CDH4: variants seen among roughly 807,000 people sequenced by gnomAD.
CDH4 encodes the protein cadherin-4.
Under a neutral mutation model 86.0 loss-of-function variants are expected in CDH4, and 33 were observed. The observed-to-expected ratio is 0.38, with a 90% CI of 0.29 to 0.51. The LOEUF (loss-of-function observed/expected upper bound fraction) is 0.51. CDH4 is among the 20% of genes least tolerant of loss of function. CDH4 has a pLI of 0.86. For synonymous variants in CDH4, 555 were observed against 549.4 expected, an observed-to-expected ratio of 1.01 and a Z score of -0.14; for missense variants, 1,114 against 1,307.4, an observed-to-expected ratio of 0.85 and a Z score of 2.28.
At chr20:61,284,020 G>A (rs528638248) in intron 2 of CDH4, among the ~76,000 whole-genome samples, 33 of 152,184 alleles carry the variant, frequency 2.2e-4, no homozygotes, top group Admixed American at 2.0e-3. Flanking sequence ...AATCTGCTTA[G>A]CTTTGGCCGG....
chr20:61,346,177 C>T (rs989292849), intron 2 of CDH4, among the ~76,000 whole-genome samples: 1 of 152,126 alleles, frequency 6.6e-6, no homozygotes, highest in Non-Finnish European at 1.5e-5. Flanking sequence ...TCATTCCATT[C>T]TGTCAGGCCC....
chr20:61,328,564 G>T (rs536812929), intron 2 of CDH4, among the ~76,000 whole-genome samples: 4 of 152,294 alleles, frequency 2.6e-5, no homozygotes, highest in African/African-American at 9.6e-5. Context: ...CAAGAGGATT[G>T]CTTGAGCCCA....
intron 2 of CDH4, among the ~76,000 whole-genome samples, chr20:61,351,962 C>G (rs555750998): frequency 6.6e-6 from 1 of 152,074 alleles, no homozygotes; most frequent in Admixed American, 6.6e-5. Flanking sequence ...GGTGATCCAC[C>G]CACCTCGGCC....
Position 61,848,777 on chromosome 20 carries a change from G to A in CDH4, c.732+3954G>A, listed in dbSNP as rs144167833. On this transcript the variant is annotated intron_variant, in intron 5 of 15. Coordinates refer to ENST00000614565, the MANE Select transcript of CDH4 (RefSeq NM_001794.5). Reference sequence around the variant, plus strand: ...TCCTGAGCTCAAGCCATCTGCCTGCGTCAGCCTCCCAAAGTGCTGGGATTA... The same window carrying A: ...TCCTGAGCTCAAGCCATCTGCCTGCATCAGCCTCCCAAAGTGCTGGGATTA... Among the ~76,000 whole-genome samples, 193 of 152,182 alleles carry A rather than the reference G, an allele frequency of 1.3e-3. 1 individual carries two copies. Among genetic ancestry groups the A allele is most frequent in the African/African-American group, 4.4e-3 (183 of 41,518 alleles).
At chr20:61,600,561 A>G (rs1032643907) in intron 2 of CDH4, among the ~76,000 whole-genome samples, 2 of 152,198 alleles carry the variant, frequency 1.3e-5, no homozygotes, top group African/African-American at 4.8e-5. Context: ...CACCCTGCGC[A>G]GTGCCTCAGC....
intron 2 of CDH4, among the ~76,000 whole-genome samples, chr20:61,543,191 G>A (rs946188111): frequency 6.6e-6 from 1 of 152,190 alleles, no homozygotes; most frequent in Non-Finnish European, 1.5e-5. Context: ...TGACTCAAAT[G>A]TTAACCTTCT....
At chr20:61,259,396 C>T (rs1264796790) in intron 2 of CDH4, among the ~76,000 whole-genome samples, 2 of 152,200 alleles carry the variant, frequency 1.3e-5, no homozygotes. Context: ...CAGACACATG[C>T]TAGATACACA....
intron 2 of CDH4, among the ~76,000 whole-genome samples, chr20:61,621,300 A>G (rs764177081): frequency 1.3e-5 from 2 of 152,316 alleles, no homozygotes; most frequent in Middle Eastern, 3.4e-3. Flanking sequence ...TCTGTTTGAC[A>G]TTCTGTAACT....
chr20:61,904,044 C>T (rs1268225502), intron 8 of CDH4, among the ~76,000 whole-genome samples: 2 of 152,228 alleles, frequency 1.3e-5, no homozygotes, highest in Non-Finnish European at 2.9e-5. Flanking sequence ...TGAGTGGCCG[C>T]CCCTGGGACT....
intron 2 of CDH4, among the ~76,000 whole-genome samples, chr20:61,693,694 C>G (rs2087684998): frequency 6.6e-6 from 1 of 152,178 alleles, no homozygotes; most frequent in African/African-American, 2.4e-5. Flanking sequence ...AAGGCCTGGT[C>G]TCATCCACCT....
rs2084991235 is a variant in CDH4, at chr20:61,392,333, C to A, written c.169+137396C>A. Among the ~76,000 whole-genome samples, 1 of 152,142 alleles carries A rather than the reference C, an allele frequency of 6.6e-6. No individual in the cohort carries two copies. Among genetic ancestry groups the A allele is most frequent in the South Asian group, 2.1e-4 (1 of 4,814 alleles). ...CGCAGCCTCCCTGGAAGCAGAGGCT[C>A]CCCTGCGATTCCGCTCGGAGTCCCA... is the stretch of plus-strand genomic sequence containing the variant. On this transcript the variant is annotated intron_variant, in intron 2 of 15. Coordinates refer to ENST00000614565, the MANE Select transcript of CDH4 (RefSeq NM_001794.5). This position sits in a 1 kb window ranked among gnomAD's most constrained non-coding sequence, Gnocchi z 5.7.
At chr20:61,546,824 G>A (rs189913686) in intron 2 of CDH4, among the ~76,000 whole-genome samples, 13 of 152,230 alleles carry the variant, frequency 8.5e-5, no homozygotes, top group African/African-American at 3.1e-4. Context: ...CTGGCTGGGC[G>A]CCGACGCGGT....
At chr20:61,626,996 CA>C (rs2086835633) in intron 2 of CDH4, among the ~76,000 whole-genome samples, 1 of 152,090 alleles carries the variant, frequency 6.6e-6, no homozygotes. Flanking sequence ...CACACGGTGG[CA>C]AGAGGAGCCT....
At chr20:61,339,063 C>T (rs1403095424) in intron 2 of CDH4, among the ~76,000 whole-genome samples, 1 of 152,140 alleles carries the variant, frequency 6.6e-6, no homozygotes, top group Non-Finnish European at 1.5e-5. Flanking sequence ...CGCACACACC[C>T]CCCATATATT....
chr20:61,745,459 T>G (rs2088402640), intron 3 of CDH4, among the ~76,000 whole-genome samples: 1 of 152,148 alleles, frequency 6.6e-6, no homozygotes, highest in South Asian at 2.1e-4. Context: ...ATGGACAGTC[T>G]TCACTGCATG....
chr20:61,349,019 C>T (rs2084695070), intron 2 of CDH4, among the ~76,000 whole-genome samples: 1 of 152,214 alleles, frequency 6.6e-6, no homozygotes, highest in African/African-American at 2.4e-5. Flanking sequence ...CCACATTGTG[C>T]CGCAATTGTT....
chr20:61,302,577 T>C (rs913281598), intron 2 of CDH4, among the ~76,000 whole-genome samples: 3 of 152,108 alleles, frequency 2.0e-5, no homozygotes, highest in Admixed American at 2.0e-4. Context: ...ATCGGCATTG[T>C]TGTCCCCTCC....
At chr20:61,841,198 C>T (rs535796505) in intron 4 of CDH4, among the ~76,000 whole-genome samples, 1 of 152,218 alleles carries the variant, frequency 6.6e-6, no homozygotes, top group African/African-American at 2.4e-5. Context: ...TGCGTGCTCC[C>T]AGTGCCCTTC....
At chr20:61,448,626 GT>G (rs2085364764) in intron 2 of CDH4, among the ~76,000 whole-genome samples, 3 of 152,176 alleles carry the variant, frequency 2.0e-5, no homozygotes, top group African/African-American at 7.2e-5. Context: ...AGCAAGAGGA[GT>G]TTTTTGTATT....
Sources: allele counts gnomAD v4.1 joint callset (sites outside exome capture counted in the v4.1 genomes callset), GRCh38; gene constraint gnomAD v4.1.1; non-coding constraint Gnocchi (gnomAD v3.1); transcripts MANE v1.5; gene names NCBI Gene and HGNC (gene_info 2026-07-23, HGNC 2026-07-21).